PNPLA1: variants seen among roughly 807,000 people sequenced by gnomAD.
PNPLA1 encodes patatin like domain 1, omega-hydroxyceramide transacylase.
A neutral mutation model predicts 51.7 loss-of-function variants in PNPLA1; 36 were observed. That is an observed-to-expected ratio of 0.70 (90% CI 0.53 to 0.92). PNPLA1 has a LOEUF of 0.92. PNPLA1 is among the 40% of genes least tolerant of loss of function. The probability of loss-of-function intolerance (pLI) is 0.00; values close to 1 mark genes in which losing one functional copy is unlikely to be tolerated. For synonymous variants in PNPLA1, 293 were observed against 280.1 expected (o/e 1.05, Z -0.46); for missense variants, 658 against 682.5 (o/e 0.96, Z 0.40).
intron 1 of PNPLA1, among the ~76,000 whole-genome samples, chr6:36,258,530 T>C (rs921415341): frequency 2.6e-5 from 4 of 152,224 alleles, no homozygotes; most frequent in Non-Finnish European, 5.9e-5. Flanking sequence ...AATTTTGTCA[T>C]GTGGGAGGTT....
intron 1 of PNPLA1, among the ~76,000 whole-genome samples, chr6:36,288,610 G>A (rs1244715790): frequency 2.0e-5 from 3 of 151,334 alleles, no homozygotes; most frequent in Non-Finnish European, 3.0e-5. Flanking sequence ...CCGCCACCGC[G>A]CCCGGCTAAT....
At chr6:36,248,338 C>T (rs1769345865) in intron 1 of PNPLA1, among the ~76,000 whole-genome samples, 1 of 152,168 alleles carries the variant, frequency 6.6e-6, no homozygotes, top group African/African-American at 2.4e-5. Context: ...ACCTCATCTA[C>T]TCCTCCAACA....
intron 8 of PNPLA1, among the ~76,000 whole-genome samples, chr6:36,308,834 G>A (rs1771321830): frequency 6.6e-6 from 1 of 152,112 alleles, no homozygotes; most frequent in Non-Finnish European, 1.5e-5. Flanking sequence ...GGTTATCAAA[G>A]TATTTTCTGA....
Position 36,295,441 on chromosome 6 carries a change from CCCCAGGTAAGGGCAGT to C in PNPLA1, c.775+18_775+33del. The C allele has an allele frequency of 6.2e-7, 1 of 1,613,682 alleles. No homozygotes were observed. Among genetic ancestry groups the C allele is most frequent in the Non-Finnish European group, 8.5e-7 (1 of 1,179,674 alleles). On this transcript the variant is annotated intron_variant, in intron 5 of 8. Transcript: ENST00000636260. ...GGCGGCTGAGTAAGTACCGGTGGGGCCCCAGGTAAGGGCAGTGTTGGAGGGTAGGGAAAGTTCAAAC... is the reference window on the plus strand; with the variant it reads ...GGCGGCTGAGTAAGTACCGGTGGGGCGTTGGAGGGTAGGGAAAGTTCAAAC...
At chr6:36,262,026 G>T (rs568199620) in intron 1 of PNPLA1, among the ~76,000 whole-genome samples, 3 of 152,256 alleles carry the variant, frequency 2.0e-5, no homozygotes, top group South Asian at 2.1e-4. Context: ...GGGGAGAATC[G>T]CCTGCCAGAG....
In PNPLA1 at chr6:36,300,396, G is replaced by A. The variant is rs377290508; in HGVS notation, c.776-1465G>A. On this transcript the variant is annotated intron_variant, in intron 5 of 8. Transcript: ENST00000636260. The stretch of plus-strand genomic sequence containing the variant: ...TTTTTAGTAGAGATGGGGTTTCACC[G>A]TGTTAGCCAGGATGGTCTCAATCTC... 3.3e-5 allele frequency among the ~76,000 whole-genome samples: 5 copies of A among 151,990 alleles called. No individual in the cohort carries two copies. The South Asian group carries it at 6.2e-4, about 19-fold the overall frequency.
Position 36,303,314 on chromosome 6 carries a change from C to T in PNPLA1, c.1384+845C>T, listed in dbSNP as rs963073724. 6.6e-5 allele frequency among the ~76,000 whole-genome samples: 10 copies of T among 152,304 alleles called. 1 individual carries two copies. Among genetic ancestry groups the T allele is most frequent in the East Asian group, 1.9e-4 (1 of 5,172 alleles). ...TTCACTGTGTTAGCCAGGATGGTCT[C>T]AATCTCCTGACTTTGTGATCTGCCC... On this transcript the variant is annotated intron_variant, in intron 6 of 8. Transcript: ENST00000636260.
rs539700573 is a variant in PNPLA1, at chr6:36,294,952, T to G, written c.715-412T>G. On this transcript the variant is annotated intron_variant, in intron 4 of 8. Transcript: ENST00000636260. The surrounding 1 kb of genome is among the most constrained non-coding windows in gnomAD (Gnocchi z 4.2). ...CTCTAGCATCCTCTATGATCAATAT[T>G]ATAACTGTCCCCATTTTATAGATGA... Among the ~76,000 whole-genome samples the G allele has an allele frequency of 5.2e-4, 79 of 152,324 alleles. No individual in the cohort carries two copies. The highest frequency in any genetic ancestry group is 4.1e-4 in the Non-Finnish European group (28 of 68,032).
intron 1 of PNPLA1, among the ~76,000 whole-genome samples, chr6:36,247,751 T>C (rs1396823971): frequency 6.6e-6 from 1 of 152,188 alleles, no homozygotes; most frequent in East Asian, 1.9e-4. Flanking sequence ...TCTTTCCTAA[T>C]TAGCTCCTTT....
chr6:36,293,310 C>T (rs1008944004), intron 3 of PNPLA1, among the ~76,000 whole-genome samples, 184 bp downstream of exon 3: 4 of 152,128 alleles, frequency 2.6e-5, no homozygotes, highest in Non-Finnish European at 4.4e-5. Flanking sequence ...TTAAGATGAA[C>T]TTCTCCAGCT....
At chr6:36,245,849 CT>C (rs887399003) in intron 1 of PNPLA1, among the ~76,000 whole-genome samples, 3 of 152,216 alleles carry the variant, frequency 2.0e-5, no homozygotes, top group African/African-American at 7.2e-5. Flanking sequence ...GGCTCCCTGA[CT>C]CCCCGCACAG....
intron 1 of PNPLA1, among the ~76,000 whole-genome samples, chr6:36,281,119 C>T (rs894433937): frequency 6.6e-6 from 1 of 152,160 alleles, no homozygotes; most frequent in African/African-American, 2.4e-5. Context: ...GGAAAGGTTC[C>T]TCTTTAGCTC....
At chr6:36,272,551 A>T (rs918686490) in intron 1 of PNPLA1, among the ~76,000 whole-genome samples, 1 of 152,204 alleles carries the variant, frequency 6.6e-6, no homozygotes, top group Non-Finnish European at 1.5e-5. Flanking sequence ...ACAATACCTG[A>T]CATATGGCAA....
At chr6:36,252,503 T>C (rs1582025821) in intron 1 of PNPLA1, among the ~76,000 whole-genome samples, 1 of 146,040 alleles carries the variant, frequency 6.8e-6, no homozygotes, top group African/African-American at 2.5e-5. Context: ...AGCGACTGGG[T>C]TCAGGGGTTG....
At chr6:36,266,420 T>C (rs1424768773), upstream of PNPLA1, among the ~76,000 whole-genome samples, 2 of 152,214 alleles carry the variant, frequency 1.3e-5, no homozygotes, top group Admixed American at 1.3e-4. Flanking sequence ...CCGCACACCA[T>C]ATGCTCCCAG....
intron 1 of PNPLA1, among the ~76,000 whole-genome samples, chr6:36,284,995 G>A (rs376094353): frequency 1.1e-4 from 16 of 152,108 alleles, no homozygotes; most frequent in African/African-American, 3.6e-4. Context: ...AATAAACCAG[G>A]GTCACTGCTC....
chr6:36,274,931 C>T (rs1770045042), intron 1 of PNPLA1, among the ~76,000 whole-genome samples: 1 of 152,158 alleles, frequency 6.6e-6, no homozygotes, highest in Non-Finnish European at 1.5e-5. Flanking sequence ...ATATTCTGTA[C>T]ACTTATCTTT....
chr6:36,275,490 T>G (rs1444996035), intron 1 of PNPLA1, among the ~76,000 whole-genome samples: 1 of 152,250 alleles, frequency 6.6e-6, no homozygotes, highest in Non-Finnish European at 1.5e-5. Context: ...CAGGAATTTA[T>G]TTTGTTGATG....
In PNPLA1 at chr6:36,259,324, G is replaced by T. The variant is rs1000543962; in HGVS notation, c.-81+16063G>T. 1.3e-5 allele frequency among the ~76,000 whole-genome samples: 2 copies of T among 152,140 alleles called. 1 individual carries two copies. On this transcript the variant is annotated intron_variant, in intron 1 of 7. Transcript: ENST00000312917. ...AGTTGGTGACTTTCATGGGGTTATTGCTTTGCAGGTTATCTGGGGAACTCC... is the reference window on the plus strand; with the variant it reads ...AGTTGGTGACTTTCATGGGGTTATTTCTTTGCAGGTTATCTGGGGAACTCC...
Sources: gnomAD v4.1 joint callset for allele counts (sites outside exome capture counted in the v4.1 genomes callset) on GRCh38, gnomAD v4.1.1 for gene constraint, Gnocchi (gnomAD v3.1) non-coding constraint, MANE v1.5 for transcripts, NCBI Gene and HGNC (gene_info 2026-07-23, HGNC 2026-07-21) for gene names.